The following CRMP1 variants were observed in gnomAD, a reference collection of about 807,000 sequenced individuals.
CRMP1 encodes the protein collapsin response mediator protein 1.
A neutral mutation model predicts 68.3 loss-of-function variants in CRMP1; 19 were observed. That is an observed-to-expected ratio of 0.28 (90% CI 0.19 to 0.41). CRMP1 has a LOEUF of 0.41. Among genes scored for constraint, CRMP1 ranks in the 10% least tolerant of loss-of-function variants. CRMP1 has a pLI of 1.00. For synonymous variants in CRMP1, 439 were observed against 399.6 expected (o/e 1.10, Z -1.18); for missense variants, 791 against 967.4 (o/e 0.82, Z 2.42).
At chr4:5,856,034 A>C in intron 4 of CRMP1, 109 bp downstream of exon 4, 1 of 1,316,208 alleles carries the variant, frequency 7.6e-7, no homozygotes, top group Admixed American at 2.1e-5. Flanking sequence ...GCAGCTCATA[A>C]TCAGGCTCAG....
At chr4:5,837,678 T>TAAAATG in intron 9 of CRMP1, among the ~76,000 whole-genome samples, 1 of 126,306 alleles carries the variant, frequency 7.9e-6, no homozygotes, top group African/African-American at 3.5e-5. Context: ...TAAAATAAAA[T>TAAAATG]AAATAAAATA....
rs1711902087 is a variant in CRMP1 at position 5,843,020 on chromosome 4, C to G, written c.1032+73G>C. The G allele has an allele frequency of 3.4e-6, 5 of 1,467,272 alleles. No individual in the cohort carries two copies. The highest frequency in any genetic ancestry group is 4.8e-6 in the Non-Finnish European group (5 of 1,050,386). 90.9% of individuals were successfully genotyped at this position (1,467,272 alleles called of 1,614,324 possible). Reference sequence around the variant, plus strand: ...GAGGCCGGGTCCTGGCTGGGCTACTCCAGCTGGAACAGCATCAAGGTGAGT... The same window carrying G: ...GAGGCCGGGTCCTGGCTGGGCTACTGCAGCTGGAACAGCATCAAGGTGAGT... On this transcript the variant is annotated intron_variant, in intron 7 of 13. Transcript: ENST00000324989. This position sits in a 1 kb window ranked among gnomAD's most constrained non-coding sequence, Gnocchi z 4.1.
intron 12 of CRMP1, among the ~76,000 whole-genome samples, chr4:5,827,372 C>T (rs901617232): frequency 1.3e-5 from 2 of 152,146 alleles, no homozygotes; most frequent in African/African-American, 2.4e-5. Context: ...TCCCTTGTTT[C>T]CCCATCCAGT....
rs779175259 is a variant in CRMP1 at position 5,861,055 on chromosome 4, G to A, written c.626C>T (p.Ala209Val). 7 of 1,614,004 alleles carry A rather than the reference G, an allele frequency of 4.3e-6. No individual in the cohort carries two copies. Among genetic ancestry groups the A allele is most frequent in the Admixed American group, 1.7e-5 (1 of 59,998 alleles). The change falls in exon 3 of 14, where the codon GCG becomes GTG. Residue 209 changes from alanine (A) to valine (V), a missense_variant. This residue lies in a region of CRMP1 where 594 missense variants were observed against 763.6 expected (regional missense o/e 0.78). Coordinates refer to ENST00000324989, the MANE Select transcript of CRMP1 (RefSeq NM_001014809.3). This position sits in a 1 kb window ranked among gnomAD's most constrained non-coding sequence, Gnocchi z 6.0. ...AADDFFQGTR[A>V]ALVGGTTMII... is the part of the protein sequence containing the mutation. ...CATCGTGGTCCCGCCCACCAGTGCC[G>A]CCCTGGTCCCTTGGAAGAAGTCATC...
At chr4:5,885,394 C>T (rs901236203) in intron 1 of CRMP1, among the ~76,000 whole-genome samples, 2 of 152,196 alleles carry the variant, frequency 1.3e-5, no homozygotes, top group African/African-American at 2.4e-5. Flanking sequence ...CCTGCTACAC[C>T]AGCACTTCTT....
chr4:5,832,069 A>C (rs1016572675), intron 11 of CRMP1, among the ~76,000 whole-genome samples: 5 of 152,264 alleles, frequency 3.3e-5, no homozygotes, highest in Non-Finnish European at 7.3e-5. Flanking sequence ...TAGAAGCCAG[A>C]CATAAAAGGC....
chr4:5,828,498 G>C lies in CRMP1; in HGVS notation c.1794C>G (p.Ile598Met), dbSNP rs757940391. The C allele has an allele frequency of 1.2e-6, 2 of 1,614,014 alleles. No homozygotes were observed. The highest frequency in any genetic ancestry group is 1.7e-6 in the Non-Finnish European group (2 of 1,179,894). ...FPEHLYQRVK[I>M]RNKVFGLQGV... The stretch of plus-strand genomic sequence containing the variant: ...CTGCAGACACACTCACCTTATTCCT[G>C]ATTTTGACGCGCTGGTACAGGTGCT... Residue 598 changes from isoleucine to methionine, a missense_variant, in exon 12 of 14, where the codon ATC becomes ATG. Around this residue, in one of 3 missense-constraint regions of CRMP1, gnomAD observed 594 missense variants for 763.6 expected, o/e 0.78. Transcript: ENST00000324989.
chr4:5,835,847 AC>A, intron 11 of CRMP1, 67 bp downstream of exon 11: 1 of 1,350,730 alleles, frequency 7.4e-7, no homozygotes, highest in Non-Finnish European at 9.6e-7. Flanking sequence ...ATCATTTTTA[AC>A]CAGTCTTTAA....
In CRMP1 at chr4:5,859,353, G is replaced by A. The variant is rs1713368675; in HGVS notation, c.655+1673C>T. ...GGCTTACAGGGCAGGGCTCCCCAGG[G>A]TCTCACAGCTGGTAATGGAGAAAAG... is the stretch of plus-strand genomic sequence containing the variant. On this transcript the variant is annotated intron_variant, in intron 3 of 13. Coordinates refer to ENST00000324989, the MANE Select transcript of CRMP1 (RefSeq NM_001014809.3). The surrounding 1 kb of genome is among the most constrained non-coding windows in gnomAD (Gnocchi z 5.2). 6.6e-6 allele frequency among the ~76,000 whole-genome samples: 1 copy of A among 152,112 alleles called. No homozygotes were observed. Among genetic ancestry groups the A allele is most frequent in the Admixed American group, 6.5e-5 (1 of 15,288 alleles).
chr4:5,848,852 C>T lies in CRMP1; in HGVS notation c.963+540G>A, dbSNP rs144908027. On this transcript the variant is annotated intron_variant, in intron 6 of 13. Coordinates refer to ENST00000324989, the MANE Select transcript of CRMP1 (RefSeq NM_001014809.3). ...CTTCTCCTTATAAAGCCACTAATCC[C>T]GTCATAAGGCCCCCACCCTGATGAT... Among the ~76,000 whole-genome samples, 716 of 152,288 alleles carry T rather than the reference C, an allele frequency of 4.7e-3. 10 individuals are homozygous for T. The highest frequency in any genetic ancestry group is 0.037 in the South Asian group (177 of 4,820).
chr4:5,851,956 G>C (rs1712683810), intron 4 of CRMP1, among the ~76,000 whole-genome samples: 1 of 107,070 alleles, frequency 9.3e-6, no homozygotes, highest in Admixed American at 9.4e-5. Flanking sequence ...AAAGGGAGAA[G>C]AAGGAGGAAG....
At chr4:5,833,560 CT>C (rs1436068396) in intron 11 of CRMP1, among the ~76,000 whole-genome samples, 19 of 52,224 alleles carry the variant, frequency 3.6e-4, no homozygotes, top group Non-Finnish European at 5.3e-4. Flanking sequence ...CATGTGTCCT[CT>C]CTCTCTCTCC....
In CRMP1 at chr4:5,825,770, G is replaced by A. The variant is rs1412015204; in HGVS notation, c.1804-111C>T. The A allele has an allele frequency of 1.9e-6, 2 of 1,043,202 alleles. No individual in the cohort carries two copies. The highest frequency in any genetic ancestry group is 2.1e-4 in the Middle Eastern group (1 of 4,816). The allele number at this position is 1,043,202 out of a possible 1,614,324, so 64.6% of individuals were successfully genotyped here. Reference sequence around the variant, plus strand: ...AGAGAAACCTGAGGTCACTTCAAATGTGCATGCACACACACACACAACACG... The same window carrying A: ...AGAGAAACCTGAGGTCACTTCAAATATGCATGCACACACACACACAACACG... On this transcript the variant is annotated intron_variant, in intron 12 of 13. Transcript: ENST00000324989. This position sits in a 1 kb window ranked among gnomAD's most constrained non-coding sequence, Gnocchi z 4.4.
Position 5,892,760 on chromosome 4 carries a change from G to A in CRMP1, c.210C>T (p.Pro70=). 5 of 1,234,188 alleles carry A rather than the reference G, an allele frequency of 4.1e-6. No homozygotes were observed. The highest frequency in any genetic ancestry group is 5.1e-6 in the Non-Finnish European group (5 of 990,074). The allele number at this position is 1,234,188 out of a possible 1,614,324, so 76.5% of individuals were successfully genotyped here. A position where few individuals can be genotyped will look rare whatever the true frequency, so the allele number is the denominator to read the frequency against. ...CCGGCCCTGGCAGCCCGACCGCGTC[G>A]GGCCGGCCAGCGCTGCGCGGCGTGC... ...SARTPRSAGR[P]DAVGLPGPGG... Residue 70 remains proline, a synonymous_variant, in exon 1 of 14, where the codon CCC becomes CCT. Transcript: ENST00000324989. This position sits in a 1 kb window ranked among gnomAD's most constrained non-coding sequence, Gnocchi z 8.6.
At chr4:5,849,598 A>T in intron 5 of CRMP1, 126 bp from the exon 6 acceptor site, 1 of 631,164 alleles carries the variant, frequency 1.6e-6, no homozygotes, top group Non-Finnish European at 2.8e-6. Flanking sequence ...CTGCAAACAC[A>T]TTCATGTGGA....
intron 5 of CRMP1, among the ~76,000 whole-genome samples, chr4:5,851,204 T>G (rs924056659): frequency 6.6e-6 from 1 of 152,210 alleles, no homozygotes; most frequent in Non-Finnish European, 1.5e-5. Context: ...GAACCCCTTC[T>G]GCATGCCACT....
In CRMP1 at chr4:5,839,560, G is replaced by A. The variant is rs1165412291; in HGVS notation, c.1272C>T (p.Asp424=). ...AFVTSPPLSP[D]PTTPDYLTSL... is the part of the protein sequence containing the mutation. The stretch of plus-strand genomic sequence containing the variant: ...AGGTCAAGTAGTCGGGCGTGGTAGG[G>A]TCCGGGCTCAGGGGAGGGGAAGTCA... The change falls in exon 9 of 14, where the codon GAC becomes GAT. Residue 424 remains aspartate, a synonymous_variant. Coordinates refer to ENST00000324989, the MANE Select transcript of CRMP1 (RefSeq NM_001014809.3). 6.2e-7 allele frequency: 1 copy of A among 1,612,036 alleles called. No individual in the cohort carries two copies. Among genetic ancestry groups the A allele is most frequent in the Non-Finnish European group, 8.5e-7 (1 of 1,179,220 alleles).
In CRMP1 at chr4:5,825,776, GCACACA is replaced by G. The variant is rs10605297; in HGVS notation, c.1804-123_1804-118del. 16 of 903,506 alleles carry G rather than the reference GCACACA, an allele frequency of 1.8e-5. 1 individual carries two copies. The highest frequency in any genetic ancestry group is 1.1e-4 in the African/African-American group (6 of 55,712). The allele number at this position is 903,506 out of a possible 1,614,324, so 56.0% of individuals were successfully genotyped here. A position where few individuals can be genotyped will look rare whatever the true frequency, so the allele number is the denominator to read the frequency against. On this transcript the variant is annotated intron_variant, in intron 12 of 13. Transcript: ENST00000324989. The surrounding 1 kb of genome is among the most constrained non-coding windows in gnomAD (Gnocchi z 4.4). ...ACCTGAGGTCACTTCAAATGTGCAT[GCACACA>G]CACACACAACACGCACACACGACAG...
rs139395885 is a variant in CRMP1 at position 5,880,447 on chromosome 4, C to T, written c.381+12142G>A. Reference sequence around the variant, plus strand: ...CAGGTTCAAAATTTCCTCAAATAGCCACCTTTTTGCTGTATGTAATTCTGC... The same window carrying T: ...CAGGTTCAAAATTTCCTCAAATAGCTACCTTTTTGCTGTATGTAATTCTGC... On this transcript the variant is annotated intron_variant, in intron 1 of 13. Coordinates refer to ENST00000324989, the MANE Select transcript of CRMP1 (RefSeq NM_001014809.3). 2.4e-3 allele frequency among the ~76,000 whole-genome samples: 363 copies of T among 152,228 alleles called. 4 individuals are homozygous for T. The highest frequency in any genetic ancestry group is 8.4e-3 in the African/African-American group (349 of 41,530).
Sources: gnomAD v4.1 joint callset for allele counts (sites outside exome capture counted in the v4.1 genomes callset) on GRCh38, gnomAD v4.1.1 for gene constraint, gnomAD v4.1.1 regional missense constraint, Gnocchi (gnomAD v3.1) non-coding constraint, MANE v1.5 for transcripts, NCBI Gene and HGNC (gene_info 2026-07-23, HGNC 2026-07-21) for gene names.